The following PECR variants were observed in gnomAD, a reference collection of about 807,000 sequenced individuals.
PECR encodes 2,4-dienoyl-CoA reductase-related protein.
Under a neutral mutation model 35.3 loss-of-function variants are expected in PECR, and 30 were observed. The ratio of observed to expected loss-of-function variants is 0.85; its 90% CI spans 0.64 to 1.15. The LOEUF is 1.15. Among genes scored for constraint, PECR ranks in the 50% most tolerant of loss-of-function variants. The pLI is 0.00. For synonymous variants in PECR, 148 were observed against 138.9 expected (o/e 1.07, Z -0.46); for missense variants, 392 against 370.8 (o/e 1.06, Z -0.47).
At chr2:216,051,281 C>CAAAAAAAAAAAAAAAAAAAAAAAAAA in intron 5 of PECR, among the ~76,000 whole-genome samples, 168 bp downstream of exon 5, 1 of 93,170 alleles carries the variant, frequency 1.1e-5, no homozygotes, top group Non-Finnish European at 2.0e-5. Flanking sequence ...GACTCCATCT[C>CAAAAAAAAAAAAAAAAAAAAAAAAAA]AAAAAAAAAA....
intron 6 of PECR, among the ~76,000 whole-genome samples, chr2:216,046,491 T>C (rs1479091406): frequency 6.6e-6 from 1 of 151,710 alleles, no homozygotes; most frequent in Non-Finnish European, 1.5e-5. Flanking sequence ...TTGTATTTTT[T>C]AGTATAGACG....
chr2:216,031,691 G>GAGAAAGAAAGAAAGAA (rs1395273679), intron 7 of PECR, among the ~76,000 whole-genome samples: 2 of 61,152 alleles, frequency 3.3e-5, no homozygotes, highest in African/African-American at 6.0e-5. Context: ...AAGAAAGAAA[G>GAGAAAGAAAGAAAGAA]AGAAAGAAAG....
rs753002145 is a variant in PECR, at chr2:216,065,337, C to T, written c.399G>A (p.Thr133=). The change falls in exon 3 of 8, where the codon ACG becomes ACA. Residue 133 remains threonine, a synonymous_variant. Coordinates refer to ENST00000265322, the MANE Select transcript of PECR (RefSeq NM_018441.6). ...GWHAVLETNL[T]GTFYMCKAVY... Reference sequence around the variant, plus strand: ...CTGCTTTGCACATGTAGAAGGTACCCGTCAGGTTGGTCTCAAGCACAGCGT... The same window carrying T: ...CTGCTTTGCACATGTAGAAGGTACCTGTCAGGTTGGTCTCAAGCACAGCGT... 8.1e-6 allele frequency: 13 copies of T among 1,611,708 alleles called. No individual in the cohort carries two copies. Among genetic ancestry groups the T allele is most frequent in the Admixed American group, 3.3e-5 (2 of 59,978 alleles).
downstream of PECR, among the ~76,000 whole-genome samples, chr2:216,035,611 C>A (rs1231585081): frequency 1.3e-5 from 2 of 151,906 alleles, no homozygotes; most frequent in Non-Finnish European, 2.9e-5. Context: ...CTTAGCTTCA[C>A]TAGTAGCTGG....
rs750280887 is a variant in PECR at position 216,065,465 on chromosome 2, C to A, written c.271G>T (p.Val91Phe). Residue 91 changes from valine to phenylalanine, a missense_variant, in exon 3 of 8, where the codon GTC becomes TTC. Val to Phe is a conservative substitution (Grantham distance 50). Transcript: ENST00000265322. ...CCAAAAGTATCTAAGGTAGATTTGACCAAATTATTCACCTAAAGAAGAACA... is the reference window on the plus strand; with the variant it reads ...CCAAAAGTATCTAAGGTAGATTTGAACAAATTATTCACCTAAAGAAGAACA... ...IRNEEEVNNL[V>F]KSTLDTFGKI... 13 of 1,595,816 alleles carry A rather than the reference C, an allele frequency of 8.1e-6. No homozygotes were observed. The highest frequency in any genetic ancestry group is 1.3e-5 in the African/African-American group (1 of 74,496).
chr2:216,034,998 C>T (rs1694770766), downstream of PECR, among the ~76,000 whole-genome samples: 2 of 152,232 alleles, frequency 1.3e-5, no homozygotes, highest in Non-Finnish European at 2.9e-5. Flanking sequence ...CATGTCCAAC[C>T]TTCCTGCAAC....
chr2:216,077,690 C>G (rs1695739876), intron 1 of PECR, among the ~76,000 whole-genome samples: 1 of 151,458 alleles, frequency 6.6e-6, no homozygotes, highest in Non-Finnish European at 1.5e-5. Flanking sequence ...GCCTGTAATC[C>G]CAGCTACTCA....
chr2:216,038,170 A>T (rs1694830459), downstream of PECR, among the ~76,000 whole-genome samples: 1 of 152,214 alleles, frequency 6.6e-6, no homozygotes, highest in Admixed American at 6.5e-5. Context: ...TACTTGAAAG[A>T]ACTTTGATTA....
intron 1 of PECR, among the ~76,000 whole-genome samples, chr2:216,078,668 A>T (rs1348209142): frequency 6.6e-6 from 1 of 152,162 alleles, no homozygotes; most frequent in Non-Finnish European, 1.5e-5. Flanking sequence ...ATAATTGTGT[A>T]TATATATTTT....
At chr2:216,043,820 TTAAG>T (rs954507188) in intron 7 of PECR, 80 bp downstream of exon 7, 3 of 739,368 alleles carry the variant, frequency 4.1e-6, no homozygotes, top group Non-Finnish European at 5.0e-6. Flanking sequence ...CCCTCATCTC[TTAAG>T]TAACTACTTA....
intron 6 of PECR, among the ~76,000 whole-genome samples, chr2:216,044,732 A>G (rs1035132926): frequency 1.3e-5 from 2 of 152,184 alleles, no homozygotes; most frequent in Non-Finnish European, 2.9e-5. Flanking sequence ...AAGGCACTTC[A>G]GACTCCCACT....
chr2:216,047,512 C>A (rs558548566), intron 6 of PECR, among the ~76,000 whole-genome samples: 5 of 152,264 alleles, frequency 3.3e-5, no homozygotes, highest in African/African-American at 1.2e-4. Context: ...GTGTTTTATC[C>A]TTTCCTTACA....
chr2:216,080,194 G>A (rs889048127), intron 1 of PECR, among the ~76,000 whole-genome samples: 4 of 151,704 alleles, frequency 2.6e-5, no homozygotes, highest in Admixed American at 6.6e-5. Flanking sequence ...CGATTCTTGC[G>A]CCTCAACCTC....
chr2:216,042,971 G>A (rs4674053), intron 7 of PECR, among the ~76,000 whole-genome samples: 57,792 of 118,336 alleles, frequency 0.49, 14,234 homozygotes, highest in Admixed American at 0.54. Flanking sequence ...ATACACATAC[G>A]TATATGTGTA....
intron 6 of PECR, among the ~76,000 whole-genome samples, chr2:216,044,672 G>A (rs1022483211): frequency 3.9e-5 from 6 of 151,912 alleles, no homozygotes; most frequent in African/African-American, 1.5e-4. Flanking sequence ...TTCCAGCTTG[G>A]GTGGCAGAGT....
rs1695281773 is a variant in PECR, at chr2:216,058,957, T to C, written c.444A>G (p.Lys148=). Residue 148 remains lysine (K), a synonymous_variant, in exon 4 of 8, where the codon AAA becomes AAG. Coordinates refer to ENST00000265322, the MANE Select transcript of PECR (RefSeq NM_018441.6). ...TATTGACGATAGATCCTCCATGCTCTTTCATCCAGGAGCTGTAAACTGCAG... is the reference window on the plus strand; with the variant it reads ...TATTGACGATAGATCCTCCATGCTCCTTCATCCAGGAGCTGTAAACTGCAG... ...MCKAVYSSWM[K]EHGGSIVNII... 6.2e-7 allele frequency: 1 copy of C among 1,608,180 alleles called. No individual in the cohort carries two copies.
At chr2:216,062,319 T>C (rs932543329) in intron 3 of PECR, among the ~76,000 whole-genome samples, 2 of 152,166 alleles carry the variant, frequency 1.3e-5, no homozygotes, top group Non-Finnish European at 1.5e-5. Flanking sequence ...GTGCTGAGAT[T>C]ACAGGCATGA....
downstream of PECR, among the ~76,000 whole-genome samples, chr2:216,038,233 C>G (rs1694831117): frequency 6.6e-6 from 1 of 152,168 alleles, no homozygotes; most frequent in Admixed American, 6.5e-5. Flanking sequence ...CAATAAGGGT[C>G]TAACTATCAG....
Position 216,043,005 on chromosome 2 carries a change from G to GTA in PECR, c.826+897_826+898dup, listed in dbSNP as rs1181756846. Among the ~76,000 whole-genome samples, 36 of 134,340 alleles carry GTA rather than the reference G, an allele frequency of 2.7e-4. 2 individuals carry two copies. The highest frequency in any genetic ancestry group is 4.2e-4 in the African/African-American group (15 of 35,522). The allele number at this position is 134,340 out of a possible 152,430, so 88.1% of individuals were successfully genotyped here. A position where few individuals can be genotyped will look rare whatever the true frequency, so the allele number is the denominator to read the frequency against. On this transcript the variant is annotated intron_variant, in intron 7 of 7. Coordinates refer to ENST00000265322, the MANE Select transcript of PECR (RefSeq NM_018441.6). ...TATATATATATACATACGTATATGT[G>GTA]TATATATATATACACATACGTATAT...
Sources: gnomAD v4.1 joint callset for allele counts (sites outside exome capture counted in the v4.1 genomes callset) on GRCh38, gnomAD v4.1.1 for gene constraint, MANE v1.5 for transcripts, NCBI Gene and HGNC (gene_info 2026-07-23, HGNC 2026-07-21) for gene names.